Variants in CADPS2 observed in about 807,000 individuals in gnomAD.
CADPS2 encodes the protein calcium-dependent secretion activator 2.
CADPS2 carries 93 observed loss-of-function variants against 172.5 expected under a neutral mutation model. The ratio of observed to expected loss-of-function variants is 0.54; its 90% CI spans 0.46 to 0.64. The LOEUF is 0.64. Among genes scored for constraint, CADPS2 ranks in the 30% least tolerant of loss-of-function variants. CADPS2 has a pLI of 0.00. For missense variants in CADPS2, 1,420 were observed against 1,565.9 expected, an observed-to-expected ratio of 0.91 and a Z score of 1.57; for synonymous variants, 546 against 555.2, an observed-to-expected ratio of 0.98 and a Z score of 0.23.
At chr7:122,835,920 T>C (rs1214251041) in intron 1 of CADPS2, among the ~76,000 whole-genome samples, 2 of 151,932 alleles carry the variant, frequency 1.3e-5, no homozygotes, top group Admixed American at 1.3e-4. Context: ...ACTCAGGAAA[T>C]ACAGAGAACG....
rs372372999 is a variant in CADPS2, at chr7:122,621,608, G to A, written c.977C>T (p.Ser326Leu). 266 of 1,613,544 alleles carry A rather than the reference G, an allele frequency of 1.6e-4. 1 individual carries two copies. Among genetic ancestry groups the A allele is most frequent in the Non-Finnish European group, 2.1e-4 (252 of 1,179,706 alleles). Residue 326 changes from serine (S) to leucine (L), a missense_variant, in exon 5 of 30, where the codon TCG (serine) becomes TTG (leucine). Transcript: ENST00000449022. ...TAATTTAAATTCCGGACCACCTTTC[G>A]AAACTGGAAGACTTTCCAAATTGGC... ...LMANLESLPV[S>L]KGGPEFKLQK...
At chr7:122,658,298 T>C (rs1269158192) in intron 3 of CADPS2, among the ~76,000 whole-genome samples, 1 of 152,182 alleles carries the variant, frequency 6.6e-6, no homozygotes, top group Non-Finnish European at 1.5e-5. Flanking sequence ...GGTGGGACTG[T>C]AAACTAGTTC....
chr7:122,597,086 C>T (rs577457878), intron 6 of CADPS2, among the ~76,000 whole-genome samples: 1 of 152,006 alleles, frequency 6.6e-6, no homozygotes, highest in Non-Finnish European at 1.5e-5. Context: ...CAAGAACTCA[C>T]TCAAGCCATT....
rs74524053 is a variant in CADPS2, at chr7:122,734,675, G to A, written c.453+2280C>T. On this transcript the variant is annotated intron_variant, in intron 2 of 29. Coordinates refer to ENST00000449022, the MANE Select transcript of CADPS2 (RefSeq NM_017954.11). Reference sequence around the variant, plus strand: ...CTTCTAAAAAAATGAAAGGCATTTTGGGAAAAAAATTGAGAAGCAACTTTT... The same window carrying A: ...CTTCTAAAAAAATGAAAGGCATTTTAGGAAAAAAATTGAGAAGCAACTTTT... 6.6e-3 allele frequency among the ~76,000 whole-genome samples: 997 copies of A among 152,002 alleles called. 10 individuals carry two copies. Among genetic ancestry groups the A allele is most frequent in the African/African-American group, 0.023 (953 of 41,476 alleles).
intron 6 of CADPS2, among the ~76,000 whole-genome samples, chr7:122,613,170 A>T (rs917317941): frequency 6.6e-6 from 1 of 152,134 alleles, no homozygotes; most frequent in Non-Finnish European, 1.5e-5. Context: ...CAAGCAACAA[A>T]GAAAAAAATA....
At chr7:122,554,741 G>A (rs1587221271) in intron 7 of CADPS2, 52 bp from the exon 8 acceptor site, 2 of 1,415,440 alleles carry the variant, frequency 1.4e-6, no homozygotes, top group Non-Finnish European at 1.9e-6. Flanking sequence ...AGTGTCTATG[G>A]GTTGGAACTA....
At chr7:122,674,708 T>C (rs1333721205) in intron 2 of CADPS2, among the ~76,000 whole-genome samples, 1 of 152,192 alleles carries the variant, frequency 6.6e-6, no homozygotes, top group Non-Finnish European at 1.5e-5. Flanking sequence ...AAGGATTTTA[T>C]AATGACGAGA....
At chr7:122,424,209 A>T in intron 17 of CADPS2, 1 of 442,916 alleles carries the variant, frequency 2.3e-6, no homozygotes, top group Non-Finnish European at 3.0e-6. Context: ...CAACTCATTT[A>T]ATGACCCTGC....
chr7:122,705,246 G>A (rs531791310), intron 2 of CADPS2, among the ~76,000 whole-genome samples: 8 of 151,282 alleles, frequency 5.3e-5, no homozygotes, highest in South Asian at 2.1e-4. Flanking sequence ...TCCTGGAACC[G>A]CATGTGACTG....
At chr7:122,596,508 C>G (rs1399987232) in intron 6 of CADPS2, among the ~76,000 whole-genome samples, 1 of 152,094 alleles carries the variant, frequency 6.6e-6, no homozygotes, top group African/African-American at 2.4e-5. Flanking sequence ...GCCTTCGTGA[C>G]TCGGGCTTGT....
intron 2 of CADPS2, among the ~76,000 whole-genome samples, chr7:122,734,380 AAAAAAAG>A (rs2091968858): frequency 1.1e-5 from 1 of 91,542 alleles, no homozygotes; most frequent in African/African-American, 3.6e-5. Context: ...AAAAAAAAAA[AAAAAAAG>A]AAAAAAAAAA....
Position 122,737,160 on chromosome 7 carries a change from C to T in CADPS2, c.340-92G>A, listed in dbSNP as rs150710135. 6.0e-5 allele frequency: 40 copies of T among 670,280 alleles called. No homozygotes were observed. The African/African-American group carries it at 6.4e-4, about 11-fold the overall frequency. 41.5% of individuals were successfully genotyped at this position (670,280 alleles called of 1,614,324 possible). A position where few individuals can be genotyped will look rare whatever the true frequency, so the allele number is the denominator to read the frequency against. ...ATCATATTTGCTGTATATTAGATTT[C>T]ACATCTAGAATTAACTTTATAGTAA... On this transcript the variant is annotated intron_variant, in intron 1 of 29. Transcript: ENST00000449022.
Position 122,791,587 on chromosome 7 carries a change from T to C in CADPS2, c.340-54519A>G, listed in dbSNP as rs938406602. On this transcript the variant is annotated intron_variant, in intron 1 of 29. Transcript: ENST00000449022. ...CAGGATGCCATCAACAAGTGTATTG[T>C]GATTTAATGACTTTATCAACATATT... 4.6e-5 allele frequency among the ~76,000 whole-genome samples: 7 copies of C among 152,160 alleles called. No individual in the cohort carries two copies. In the South Asian group the frequency reaches 8.3e-4, roughly 18 times the overall value.
At chr7:122,609,120 A>T (rs2073976647) in intron 6 of CADPS2, among the ~76,000 whole-genome samples, 1 of 152,118 alleles carries the variant, frequency 6.6e-6, no homozygotes, top group African/African-American at 2.4e-5. Context: ...TCCTGGCACC[A>T]AGATCTATCT....
chr7:122,871,172 C>T (rs1168452527), intron 1 of CADPS2, among the ~76,000 whole-genome samples: 1 of 151,174 alleles, frequency 6.6e-6, no homozygotes, highest in African/African-American at 2.4e-5. Context: ...GGAGAGATTG[C>T]CACAGTGCTG....
intron 9 of CADPS2, among the ~76,000 whole-genome samples, chr7:122,503,517 T>C (rs115660701): frequency 0.019 from 2,830 of 152,272 alleles, 95 homozygotes; most frequent in African/African-American, 0.065. Context: ...AAGGGACACA[T>C]TGGCAAAATA....
chr7:122,652,497 T>C (rs570990025), intron 3 of CADPS2, among the ~76,000 whole-genome samples: 5 of 152,284 alleles, frequency 3.3e-5, no homozygotes, highest in Admixed American at 3.3e-4. Context: ...TAAAAGAATA[T>C]ATATATTTGA....
chr7:122,816,980 C>T (rs1274942836), intron 1 of CADPS2, among the ~76,000 whole-genome samples: 1 of 151,410 alleles, frequency 6.6e-6, no homozygotes, highest in African/African-American at 2.4e-5. Context: ...CCTTGCGACC[C>T]CCACTCCTGC....
chr7:122,498,018 C>T (rs543166328), intron 9 of CADPS2, among the ~76,000 whole-genome samples: 19 of 152,198 alleles, frequency 1.2e-4, no homozygotes, highest in Admixed American at 7.2e-4. Context: ...GGCAGTGGCA[C>T]GAACTCGGCT....
Sources: allele counts gnomAD v4.1 joint callset (sites outside exome capture counted in the v4.1 genomes callset), GRCh38; gene constraint gnomAD v4.1.1; transcripts MANE v1.5; gene names NCBI Gene and HGNC (gene_info 2026-07-23, HGNC 2026-07-21).